PARP1: variants seen among roughly 807,000 people sequenced by gnomAD.
The protein encoded by PARP1 is poly(ADP-ribose) polymerase 1.
PARP1 carries 44 observed loss-of-function variants against 118.7 expected under a neutral mutation model. The ratio of observed to expected loss-of-function variants is 0.37; its 90% CI spans 0.29 to 0.48. The LOEUF is 0.48. PARP1 is among the 20% of genes least tolerant of loss of function. The pLI is 0.99. For missense variants in PARP1, 1,100 were observed against 1,272.4 expected, an observed-to-expected ratio of 0.86 and a Z score of 2.06; for synonymous variants, 492 against 483.2, an observed-to-expected ratio of 1.02 and a Z score of -0.24.
intron 17 of PARP1, 88 bp from the exon 18 acceptor site, chr1:226,366,140 CA>C: frequency 1.2e-6 from 1 of 852,164 alleles, no homozygotes; most frequent in Non-Finnish European, 2.0e-6. Flanking sequence ...ATGCATAGCT[CA>C]ACACCACACT....
Position 226,365,064 on chromosome 1 carries a change from T to C in PARP1, c.2596A>G (p.Thr866Ala). 1 of 1,614,202 alleles carries C rather than the reference T, an allele frequency of 6.2e-7. No individual in the cohort carries two copies. The highest frequency in any genetic ancestry group is 8.5e-7 in the Non-Finnish European group (1 of 1,180,042). ...GACAGGATCCCAGCAAAGTTGGTGG[T>C]CCTGGACCCGTGCCACAGCAATCTT... is the stretch of plus-strand genomic sequence containing the variant. ...NRRLLWHGSR[T>A]TNFAGILSQG... is the part of the protein sequence containing the mutation. Residue 866 changes from threonine to alanine, a missense_variant, in exon 19 of 23, where the codon ACC (threonine) becomes GCC (alanine). Thr to Ala is a moderately conservative substitution (Grantham distance 58, BLOSUM62 0). Transcript: ENST00000366794.
chr1:226,364,151 A>G, intron 19 of PARP1, 81 bp from the exon 20 acceptor site: 1 of 1,381,282 alleles, frequency 7.2e-7, no homozygotes, highest in Non-Finnish European at 1.0e-6. Flanking sequence ...CAACTTGAGC[A>G]AGCCACCCAG....
At chr1:226,385,832 C>G (rs992959809) in intron 6 of PARP1, 152 bp from the exon 7 acceptor site, 4 of 743,108 alleles carry the variant, frequency 5.4e-6, no homozygotes, top group Non-Finnish European at 7.1e-6. Context: ...TCTTAACACC[C>G]CACCCACCCT....
chr1:226,393,373 T>G (rs1073991), intron 2 of PARP1, among the ~76,000 whole-genome samples: 1 of 152,078 alleles, frequency 6.6e-6, no homozygotes, highest in Non-Finnish European at 1.5e-5. Context: ...ACTGTTAAGA[T>G]GTCAATTATC....
At chr1:226,365,888 T>C (rs757860296) in intron 18 of PARP1, 66 bp downstream of exon 18, 4 of 1,002,518 alleles carry the variant, frequency 4.0e-6, no homozygotes, top group African/African-American at 3.2e-5. Context: ...CAGGCCCAGG[T>C]TGGAGGAGTG....
At chr1:226,380,861 T>C (rs1002987023) in intron 9 of PARP1, among the ~76,000 whole-genome samples, 3 of 152,204 alleles carry the variant, frequency 2.0e-5, no homozygotes, top group Non-Finnish European at 4.4e-5. Flanking sequence ...CCGTCTTTAG[T>C]TGAGAACACG....
Position 226,385,479 on chromosome 1 carries a change from C to T in PARP1, c.1011+25G>A, listed in dbSNP as rs1405677375. On this transcript the variant is annotated intron_variant, in intron 7 of 22. Coordinates refer to ENST00000366794, the MANE Select transcript of PARP1 (RefSeq NM_001618.4). ...GGGCCAGGTTTTTCTCCCAACAGAT[C>T]CCAGGATCTTCCCCTACCCCTTACC... 15 of 1,610,994 alleles carry T rather than the reference C, an allele frequency of 9.3e-6. No individual in the cohort carries two copies. The South Asian group carries it at 1.5e-4, about 17-fold the overall frequency.
At chr1:226,389,530 A>G (rs1175354356) in intron 4 of PARP1, among the ~76,000 whole-genome samples, 1 of 152,224 alleles carries the variant, frequency 6.6e-6, no homozygotes, top group African/African-American at 2.4e-5. Context: ...GGCTTCATAT[A>G]GTGTCTGGCA....
chr1:226,362,333 G>A (rs545240294), intron 21 of PARP1: 28 of 460,414 alleles, frequency 6.1e-5, no homozygotes, highest in Middle Eastern at 6.4e-4. Context: ...TTACAGGTGC[G>A]CGCCACCACA....
At chr1:226,362,872 AAAAT>A (rs1024076070) in intron 21 of PARP1, among the ~76,000 whole-genome samples, 2 of 151,756 alleles carry the variant, frequency 1.3e-5, no homozygotes, top group South Asian at 2.1e-4. Context: ...TTTTTTTACA[AAAAT>A]AAATAAAATG....
chr1:226,370,379 C>A lies in PARP1; in HGVS notation c.2154+55G>T, dbSNP rs748257011. On this transcript the variant is annotated intron_variant, in intron 15 of 22. Coordinates refer to ENST00000366794, the MANE Select transcript of PARP1 (RefSeq NM_001618.4). ...TACCCCTGCCACCCCCAGGTCTCAC[C>A]CCCTAAGTCGGCCAGAGGAGGGTTC... 1.1e-4 allele frequency: 147 copies of A among 1,301,560 alleles called. 4 individuals carry two copies. Among genetic ancestry groups the A allele is most frequent in the South Asian group, 9.8e-4 (83 of 85,060 alleles). 80.6% of individuals were successfully genotyped at this position (1,301,560 alleles called of 1,614,324 possible). A position where few individuals can be genotyped will look rare whatever the true frequency, so the allele number is the denominator to read the frequency against.
chr1:226,400,694 G>A (rs556344996), intron 2 of PARP1, among the ~76,000 whole-genome samples: 2 of 152,320 alleles, frequency 1.3e-5, no homozygotes, highest in Admixed American at 6.5e-5. Context: ...GCCACTTCCA[G>A]ATCTAGAGGC....
intron 10 of PARP1, 100 bp downstream of exon 10, chr1:226,379,822 G>C (rs1385366364): frequency 6.4e-7 from 1 of 1,573,852 alleles, no homozygotes; most frequent in Non-Finnish European, 8.7e-7. Context: ...GCACTCAACA[G>C]GCCATGTCAG....
Position 226,408,058 on chromosome 1 carries a change from G to C in PARP1, c.-129C>G. Reference sequence around the variant, plus strand: ...AGCGGCCAGAGCCGCCACCGAACACGCCGCACCGGCCACCGCCGTTCCCTG... The same window carrying C: ...AGCGGCCAGAGCCGCCACCGAACACCCCGCACCGGCCACCGCCGTTCCCTG... On this transcript the variant is annotated 5_prime_UTR_variant, in exon 1 of 23. Transcript: ENST00000366794. The C allele has an allele frequency of 7.6e-7, 1 of 1,323,390 alleles. No homozygotes were observed. The highest frequency in any genetic ancestry group is 1.1e-6 in the Non-Finnish European group (1 of 946,518). The allele number at this position is 1,323,390 out of a possible 1,614,324, so 82.0% of individuals were successfully genotyped here. A position where few individuals can be genotyped will look rare whatever the true frequency, so the allele number is the denominator to read the frequency against.
chr1:226,377,394 GGAA>G, intron 12 of PARP1, 91 bp from the exon 13 acceptor site: 1 of 972,766 alleles, frequency 1.0e-6, no homozygotes. Context: ...ATTCACGTGG[GGAA>G]GAATTTTACA....
intron 2 of PARP1, among the ~76,000 whole-genome samples, chr1:226,397,939 TAAC>T: frequency 6.9e-6 from 1 of 144,502 alleles, no homozygotes; most frequent in East Asian, 2.0e-4. Flanking sequence ...AACGGAGCTG[TAAC>T]AACTGGACAT....
At chr1:226,377,616 A>G (rs1017094265) in intron 12 of PARP1, among the ~76,000 whole-genome samples, 1 of 152,198 alleles carries the variant, frequency 6.6e-6, no homozygotes, top group Non-Finnish European at 1.5e-5. Context: ...TCCTCTCCCC[A>G]AAGAAATACA....
chr1:226,369,653 TA>T, intron 15 of PARP1, among the ~76,000 whole-genome samples: 1 of 152,198 alleles, frequency 6.6e-6, no homozygotes, highest in Middle Eastern at 3.4e-3. Context: ...CAAACTCAGA[TA>T]AAAAATATAG....
chr1:226,402,030 TATC>T (rs1387771258), intron 2 of PARP1, 181 bp downstream of exon 2: 5 of 1,509,784 alleles, frequency 3.3e-6, no homozygotes, highest in Non-Finnish European at 3.6e-6. Flanking sequence ...AAATACCAAA[TATC>T]ATGCAACAGA....
Sources: allele counts gnomAD v4.1 joint callset (sites outside exome capture counted in the v4.1 genomes callset), GRCh38; gene constraint gnomAD v4.1.1; transcripts MANE v1.5; gene names NCBI Gene and HGNC (gene_info 2026-07-23, HGNC 2026-07-21).